TAFA1: variants seen among roughly 807,000 people sequenced by gnomAD.
TAFA1 encodes TAFA chemokine like family member 1.
Under a neutral mutation model 18.5 loss-of-function variants are expected in TAFA1, and 4 were observed. The ratio of observed to expected loss-of-function variants is 0.22; its 90% CI spans 0.11 to 0.49. The LOEUF is 0.49. Ranked by LOEUF, TAFA1 falls within the 20% of genes least tolerant of loss-of-function variation. The pLI is 0.98. For synonymous variants in TAFA1, 56 were observed against 55.2 expected (o/e 1.01, Z -0.06); for missense variants, 147 against 169.0 (o/e 0.87, Z 0.72).
intron 2 of TAFA1, among the ~76,000 whole-genome samples, chr3:68,106,167 A>G (rs1054908362): frequency 1.3e-5 from 2 of 152,124 alleles, no homozygotes; most frequent in Non-Finnish European, 2.9e-5. Flanking sequence ...ATGCAAAAAA[A>G]AAAGAACGAA....
chr3:68,356,059 A>T (rs1019755947), intron 2 of TAFA1, among the ~76,000 whole-genome samples: 5 of 151,982 alleles, frequency 3.3e-5, no homozygotes, highest in African/African-American at 1.2e-4. Flanking sequence ...CAATAGCCAC[A>T]AGTGGCTAGC....
intron 2 of TAFA1, among the ~76,000 whole-genome samples, chr3:68,415,585 G>T (rs549554184): frequency 9.2e-5 from 14 of 152,050 alleles, no homozygotes; most frequent in Non-Finnish European, 1.5e-5. Flanking sequence ...TTATATCTTT[G>T]TTGGCACCAA....
intron 2 of TAFA1, among the ~76,000 whole-genome samples, chr3:68,240,268 A>T (rs1286938068): frequency 6.6e-6 from 1 of 152,198 alleles, no homozygotes; most frequent in Non-Finnish European, 1.5e-5. Flanking sequence ...CTGTTTAAGA[A>T]AGCACAGTAA....
chr3:68,069,218 A>C (rs2064721632), intron 2 of TAFA1, among the ~76,000 whole-genome samples: 1 of 152,236 alleles, frequency 6.6e-6, no homozygotes, highest in Admixed American at 6.5e-5. Context: ...TAATTTATAC[A>C]GCAGAAAGGG....
At chr3:68,396,678 C>T (rs2070389337) in intron 2 of TAFA1, among the ~76,000 whole-genome samples, 1 of 152,162 alleles carries the variant, frequency 6.6e-6, no homozygotes, top group Admixed American at 6.5e-5. Flanking sequence ...GACATTTCTG[C>T]ATACTTCTTC....
chr3:68,164,660 T>TGTGTGTGTGG (rs1201559294), intron 2 of TAFA1, among the ~76,000 whole-genome samples: 4 of 151,144 alleles, frequency 2.6e-5, no homozygotes, highest in Non-Finnish European at 5.9e-5. Context: ...TGTGTGTGTG[T>TGTGTGTGTGG]GGGAGGTAGT....
rs185315790 is a variant in TAFA1, at chr3:68,352,475, A to C, written c.119-64805A>C. The stretch of plus-strand genomic sequence containing the variant: ...TATGGAAAGGTAAATATATAGAAGT[A>C]AACTAATGGAGTAAGGTTTGTTTGT... On this transcript the variant is annotated intron_variant, in intron 2 of 4. Coordinates refer to ENST00000478136, the MANE Select transcript of TAFA1 (RefSeq NM_213609.4). Among the ~76,000 whole-genome samples the C allele has an allele frequency of 3.6e-4, 55 of 152,212 alleles. 1 individual carries two copies. Among genetic ancestry groups the C allele is most frequent in the South Asian group, 8.3e-4 (4 of 4,826 alleles).
Position 68,534,367 on chromosome 3 carries a change from A to G in TAFA1, c.260-4389A>G, listed in dbSNP as rs540472974. Among the ~76,000 whole-genome samples, 171 of 152,318 alleles carry G rather than the reference A, an allele frequency of 1.1e-3. 3 individuals carry two copies. Among genetic ancestry groups the G allele is most frequent in the South Asian group, 4.1e-4 (2 of 4,828 alleles). On this transcript the variant is annotated intron_variant, in intron 3 of 4. Transcript: ENST00000478136. ...TGTAAGCTCAAGATGGCATAAAAACATCGATAATCTTGGCTTTCTTTGAAT... is the reference window on the plus strand; with the variant it reads ...TGTAAGCTCAAGATGGCATAAAAACGTCGATAATCTTGGCTTTCTTTGAAT...
At position 68,363,664 on chromosome 3, in the gene TAFA1, T is replaced by A. The variant is rs562403776; in HGVS notation, c.119-53616T>A. Reference sequence around the variant, plus strand: ...TAAATAAGAAAAACTTTTGCAATTTTAAAAATGCATCCTGCCTGATTTTCT... The same window carrying A: ...TAAATAAGAAAAACTTTTGCAATTTAAAAAATGCATCCTGCCTGATTTTCT... On this transcript the variant is annotated intron_variant, in intron 2 of 4. Transcript: ENST00000478136. Among the ~76,000 whole-genome samples the A allele has an allele frequency of 3.3e-5, 5 of 152,312 alleles. No homozygotes were observed. In the East Asian group the frequency reaches 7.7e-4, roughly 24 times the overall value.
At chr3:68,089,530 G>C (rs2065008314) in intron 2 of TAFA1, among the ~76,000 whole-genome samples, 1 of 152,178 alleles carries the variant, frequency 6.6e-6, no homozygotes, top group South Asian at 2.1e-4. Flanking sequence ...GGGTATAAGA[G>C]AGAAGGCAAA....
chr3:68,102,696 A>C (rs1359280821), intron 2 of TAFA1, among the ~76,000 whole-genome samples: 1 of 152,182 alleles, frequency 6.6e-6, no homozygotes, highest in Non-Finnish European at 1.5e-5. Flanking sequence ...CTCTGCTTTT[A>C]ACTTGTTTTT....
chr3:68,320,540 G>A (rs966715926), intron 2 of TAFA1, among the ~76,000 whole-genome samples: 1 of 152,048 alleles, frequency 6.6e-6, no homozygotes, highest in African/African-American at 2.4e-5. Flanking sequence ...TCCCGATCCT[G>A]GCAGAAAGGC....
chr3:68,481,026 T>C (rs565725093), intron 3 of TAFA1, among the ~76,000 whole-genome samples: 56 of 152,312 alleles, frequency 3.7e-4, no homozygotes, highest in African/African-American at 1.3e-3. Flanking sequence ...CCACCATGAT[T>C]GTGAGGCCTT....
At chr3:68,538,527 C>T (rs1464555617) in intron 3 of TAFA1, among the ~76,000 whole-genome samples, 4 of 152,132 alleles carry the variant, frequency 2.6e-5, no homozygotes, top group African/African-American at 4.8e-5. Context: ...CAGTCTCAAT[C>T]CCCAACAAAA....
intron 2 of TAFA1, among the ~76,000 whole-genome samples, chr3:68,311,295 C>T (rs1476494741): frequency 1.1e-4 from 8 of 69,786 alleles, no homozygotes; most frequent in Admixed American, 1.1e-3. Flanking sequence ...CTGCCCCTGG[C>T]CTCTCTCAAA....
intron 2 of TAFA1, among the ~76,000 whole-genome samples, chr3:68,261,926 A>T (rs938446563): frequency 1.1e-4 from 12 of 113,116 alleles, no homozygotes; most frequent in Admixed American, 4.2e-4. Flanking sequence ...TAATAATAAA[A>T]TTACAAAAAA....
intron 2 of TAFA1, among the ~76,000 whole-genome samples, chr3:68,242,908 T>C (rs1053912706): frequency 1.3e-5 from 2 of 152,108 alleles, no homozygotes; most frequent in Non-Finnish European, 2.9e-5. Context: ...AGTTGATATT[T>C]ATCCTCTTGA....
intron 2 of TAFA1, among the ~76,000 whole-genome samples, chr3:68,322,464 A>G (rs2068710571): frequency 6.6e-6 from 1 of 152,190 alleles, no homozygotes; most frequent in Non-Finnish European, 1.5e-5. Context: ...TTGCAGTTGT[A>G]TCCACTTTAT....
intron 2 of TAFA1, among the ~76,000 whole-genome samples, chr3:68,088,359 G>GTTTAGACACCTGTTTTGT (rs2064995404): frequency 1.3e-5 from 2 of 152,070 alleles, no homozygotes; most frequent in South Asian, 2.1e-4. Context: ...ACATATAGAG[G>GTTTAGACACCTGTTTTGT]TTTCCGCTCA....
Sources: allele counts gnomAD v4.1 joint callset (sites outside exome capture counted in the v4.1 genomes callset), GRCh38; gene constraint gnomAD v4.1.1; transcripts MANE v1.5; gene names NCBI Gene and HGNC (gene_info 2026-07-23, HGNC 2026-07-21).